Variants in POU2F1 observed in about 807,000 individuals in gnomAD.
POU2F1 encodes POU class 2 homeobox 1.
A neutral mutation model predicts 84.9 loss-of-function variants in POU2F1; 16 were observed. That is an observed-to-expected ratio of 0.19 (90% confidence interval 0.13 to 0.29). The LOEUF (loss-of-function observed/expected upper bound fraction) is 0.29, where lower values mean the gene tolerates loss of function less well. Among genes scored for constraint, POU2F1 ranks in the 10% least tolerant of loss-of-function variants. The probability of loss-of-function intolerance (pLI) is 1.00; values close to 1 mark genes in which losing one functional copy is unlikely to be tolerated. For synonymous variants in POU2F1, 368 were observed against 368.3 expected (o/e 1.00, Z 0.01); for missense variants, 738 against 942.6 (o/e 0.78, Z 2.84).
chr1:167,278,993 A>G (rs1383932138), intron 1 of POU2F1, among the ~76,000 whole-genome samples: 1 of 152,216 alleles, frequency 6.6e-6, no homozygotes, highest in Non-Finnish European at 1.5e-5. Flanking sequence ...AATTAAGGGG[A>G]ATACATAATT....
At chr1:167,293,045 ACAT>A (rs1347021302) in intron 1 of POU2F1, among the ~76,000 whole-genome samples, 1 of 152,174 alleles carries the variant, frequency 6.6e-6, no homozygotes, top group Non-Finnish European at 1.5e-5. Context: ...CCCACAGCAA[ACAT>A]CATACTCTAT....
chr1:167,325,328 G>A (rs1656625649), intron 1 of POU2F1, among the ~76,000 whole-genome samples: 6 of 152,068 alleles, frequency 3.9e-5, no homozygotes, highest in Admixed American at 3.9e-4. Flanking sequence ...GAGGTAACAG[G>A]CAATAATTGT....
chr1:167,351,538 A>AAAAAAG (rs1557916836), intron 2 of POU2F1, among the ~76,000 whole-genome samples: 2 of 146,570 alleles, frequency 1.4e-5, no homozygotes, highest in African/African-American at 2.7e-5. Context: ...AAAAAAAAAA[A>AAAAAAG]AAAAAGAAAG....
chr1:167,350,401 T>A (rs1658476570), intron 2 of POU2F1, among the ~76,000 whole-genome samples: 1 of 152,242 alleles, frequency 6.6e-6, no homozygotes, highest in South Asian at 2.1e-4. Context: ...TACTCTGATT[T>A]AATTCTATTT....
At chr1:167,257,286 A>G (rs1651212113) in intron 1 of POU2F1, among the ~76,000 whole-genome samples, 2 of 152,232 alleles carry the variant, frequency 1.3e-5, no homozygotes, top group African/African-American at 4.8e-5. Context: ...ATAACTTAAA[A>G]ACAACCATTT....
intron 9 of POU2F1, 54 bp downstream of exon 9, chr1:167,389,815 G>A: frequency 6.4e-7 from 1 of 1,561,466 alleles, no homozygotes; most frequent in Non-Finnish European, 8.7e-7. Context: ...TCCAAATACA[G>A]TTGGCTCTCT....
chr1:167,298,710 A>T (rs1654451403), intron 1 of POU2F1, among the ~76,000 whole-genome samples: 1 of 152,174 alleles, frequency 6.6e-6, no homozygotes. Flanking sequence ...ATTTTTAATT[A>T]TGAGCTTCAA....
intron 1 of POU2F1, among the ~76,000 whole-genome samples, chr1:167,257,316 T>C (rs1651215260): frequency 6.6e-6 from 1 of 152,254 alleles, no homozygotes. Flanking sequence ...GCATTGGCTC[T>C]ATTTTATTTG....
Position 167,396,378 on chromosome 1 carries a change from G to A in POU2F1, c.1080G>A (p.Lys360=), listed in dbSNP as rs1174739531. 1 of 1,614,020 alleles carries A rather than the reference G, an allele frequency of 6.2e-7. No homozygotes were observed. The change falls in exon 10 of 16, where the codon AAG becomes AAA. Residue 360 remains lysine (K), a synonymous_variant. Transcript: ENST00000367866. ...TTGAAGCCTTGAACCTCAGCTTTAAGAACATGTGCAAGTTGAAGCCACTTT... is the reference window on the plus strand; with the variant it reads ...TTGAAGCCTTGAACCTCAGCTTTAAAAACATGTGCAAGTTGAAGCCACTTT... The part of the protein sequence containing the change: ...SRFEALNLSF[K]NMCKLKPLLE...
chr1:167,349,611 G>A (rs1458628008), intron 2 of POU2F1, among the ~76,000 whole-genome samples: 2 of 152,070 alleles, frequency 1.3e-5, no homozygotes, highest in Non-Finnish European at 2.9e-5. Context: ...TTAATGAATA[G>A]GCCTGAGAAC....
chr1:167,386,565 C>T (rs1647999977), intron 8 of POU2F1, among the ~76,000 whole-genome samples: 1 of 152,208 alleles, frequency 6.6e-6, no homozygotes, highest in Non-Finnish European at 1.5e-5. Flanking sequence ...CATACGTCCA[C>T]ACAAAGACTT....
At position 167,298,127 on chromosome 1, in the gene POU2F1, C is replaced by CA. The variant is rs71073662; in HGVS notation, c.62-34338dup. 1.1e-4 allele frequency among the ~76,000 whole-genome samples: 17 copies of CA among 149,838 alleles called. No individual in the cohort carries two copies. In the South Asian group the frequency reaches 1.5e-3, roughly 13 times the overall value. On this transcript the variant is annotated intron_variant, in intron 1 of 15. Transcript: ENST00000367866. ...GGCAACAAGAGTGAAACTCCATCTCCAAAAACAACAACAACAACAACAACA... is the reference window on the plus strand; with the variant it reads ...GGCAACAAGAGTGAAACTCCATCTCCAAAAAACAACAACAACAACAACAACA...
chr1:167,251,034 G>A (rs1269125975), intron 1 of POU2F1, among the ~76,000 whole-genome samples: 1 of 152,158 alleles, frequency 6.6e-6, no homozygotes, highest in Non-Finnish European at 1.5e-5. Context: ...TAATAACAGT[G>A]AAATTTTCTT....
chr1:167,349,526 T>C (rs1385098042), intron 2 of POU2F1, among the ~76,000 whole-genome samples: 3 of 152,202 alleles, frequency 2.0e-5, no homozygotes, highest in Non-Finnish European at 2.9e-5. Context: ...TCTCCACTGC[T>C]GCATCTCTGA....
At chr1:167,270,064 T>C (rs535678094) in intron 1 of POU2F1, among the ~76,000 whole-genome samples, 1 of 152,230 alleles carries the variant, frequency 6.6e-6, no homozygotes, top group East Asian at 1.9e-4. Flanking sequence ...CCTTTTAGGA[T>C]TATAGAGGTG....
chr1:167,386,013 G>A (rs934063443), intron 8 of POU2F1, among the ~76,000 whole-genome samples: 5 of 152,088 alleles, frequency 3.3e-5, no homozygotes, highest in African/African-American at 9.7e-5. Flanking sequence ...CTCAAAAACC[G>A]TTAGTGATCA....
chr1:167,343,422 C>T (rs966152541), intron 2 of POU2F1, among the ~76,000 whole-genome samples: 2 of 152,012 alleles, frequency 1.3e-5, no homozygotes, highest in Non-Finnish European at 2.9e-5. Context: ...ATAATTTTCT[C>T]CCTTAGAGAG....
intron 1 of POU2F1, among the ~76,000 whole-genome samples, chr1:167,282,796 G>T (rs930041021): frequency 2.0e-5 from 3 of 152,140 alleles, no homozygotes; most frequent in African/African-American, 7.2e-5. Flanking sequence ...TGCCCCATTA[G>T]CTTCCTAGCA....
Position 167,420,816 on chromosome 1 carries a change from T to C in POU2F1, c.*5006T>C, listed in dbSNP as rs938380036. On this transcript the variant is annotated 3_prime_UTR_variant, in exon 16 of 16. Transcript: ENST00000367866. ...TCTTGGGGGGCCTTCTGAAGACCAG[T>C]CTGCAGTTTGAGGAAGGGCCCCAAC... The C allele has an allele frequency of 8.5e-5, 13 of 152,318 alleles. No individual in the cohort carries two copies. Among genetic ancestry groups the C allele is most frequent in the African/African-American group, 2.9e-4 (12 of 41,572 alleles). The allele number at this position is 152,318 out of a possible 1,614,324, so 9.4% of individuals were successfully genotyped here.
Sources: gnomAD v4.1 joint callset for allele counts (sites outside exome capture counted in the v4.1 genomes callset) on GRCh38, gnomAD v4.1.1 for gene constraint, MANE v1.5 for transcripts, NCBI Gene and HGNC (gene_info 2026-07-23, HGNC 2026-07-21) for gene names.